The following ZFHX3 variants were observed in gnomAD, a reference collection of about 807,000 sequenced individuals.
ZFHX3 encodes the protein zinc finger homeobox 3.
A neutral mutation model predicts 279.1 loss-of-function variants in ZFHX3; 42 were observed. That is an observed-to-expected ratio of 0.15 (90% CI 0.12 to 0.19). The LOEUF is 0.19. Among genes scored for constraint, ZFHX3 ranks in the 10% least tolerant of loss-of-function variants. The pLI, the probability that ZFHX3 is intolerant of heterozygous loss-of-function variation, is 1.00. For missense variants in ZFHX3, 4,981 were observed against 4,754.0 expected (o/e 1.05, Z -1.40); for synonymous variants, 2,293 against 1,957.8 (o/e 1.17, Z -4.52).
chr16:73,610,563 AACTGAAAC>A (rs1213661984), intron 2 of ZFHX3, among the ~76,000 whole-genome samples: 1 of 152,212 alleles, frequency 6.6e-6, no homozygotes, highest in Admixed American at 6.5e-5. Flanking sequence ...ACAGTCTGTT[AACTGAAAC>A]ACTACATTAA....
chr16:73,887,131 A>C (rs2030372813), intron 1 of ZFHX3, among the ~76,000 whole-genome samples: 1 of 152,202 alleles, frequency 6.6e-6, no homozygotes, highest in African/African-American at 2.4e-5. Flanking sequence ...GGATTAATAA[A>C]ATTGGGAGAT....
At chr16:72,933,820 T>TTTTTC (rs1959957217) in intron 3 of ZFHX3, among the ~76,000 whole-genome samples, 1 of 110,866 alleles carries the variant, frequency 9.0e-6, no homozygotes, top group African/African-American at 4.1e-5. Flanking sequence ...TTTCTTTTTT[T>TTTTTC]TTTTTTTTTT....
intron 2 of ZFHX3, among the ~76,000 whole-genome samples, chr16:73,607,628 A>G (rs892534277): frequency 1.3e-5 from 2 of 152,202 alleles, no homozygotes; most frequent in Non-Finnish European, 2.9e-5. Context: ...TGATGGATCT[A>G]AAATTTCTAT....
At chr16:73,201,198 G>A (rs1463759958) in intron 5 of ZFHX3, among the ~76,000 whole-genome samples, 1 of 152,174 alleles carries the variant, frequency 6.6e-6, no homozygotes, top group Non-Finnish European at 1.5e-5. Context: ...GGCAATGGGG[G>A]GGCTCTGTCC....
chr16:73,334,810 CTTTTTT>C (rs368597124), intron 3 of ZFHX3, among the ~76,000 whole-genome samples: 27 of 57,916 alleles, frequency 4.7e-4, no homozygotes, highest in Admixed American at 1.3e-3. Flanking sequence ...CTTTCTCATT[CTTTTTT>C]TTTTTTTTTT....
At chr16:73,413,113 A>C (rs539473563) in intron 3 of ZFHX3, among the ~76,000 whole-genome samples, 1 of 152,386 alleles carries the variant, frequency 6.6e-6, no homozygotes, top group East Asian at 1.9e-4. Flanking sequence ...TATGAATGAT[A>C]TCAGAGAAGG....
chr16:73,327,557 G>C (rs942272692), intron 3 of ZFHX3, among the ~76,000 whole-genome samples: 1 of 152,202 alleles, frequency 6.6e-6, no homozygotes, highest in Non-Finnish European at 1.5e-5. Flanking sequence ...CCTTACAAAG[G>C]TGGCACCTGG....
intron 2 of ZFHX3, among the ~76,000 whole-genome samples, chr16:73,542,651 T>C (rs375666849): frequency 6.6e-6 from 1 of 152,234 alleles, no homozygotes; most frequent in African/African-American, 2.4e-5. Flanking sequence ...GGAATCTGCA[T>C]GGGGTTGCCA....
chr16:73,379,402 G>C (rs1451760059), intron 3 of ZFHX3, among the ~76,000 whole-genome samples: 1 of 152,028 alleles, frequency 6.6e-6, no homozygotes, highest in Non-Finnish European at 1.5e-5. Context: ...GCAGACTCTG[G>C]ACAAGGGAAA....
At chr16:72,994,894 T>C (rs947325132) in intron 1 of ZFHX3, among the ~76,000 whole-genome samples, 7 of 152,176 alleles carry the variant, frequency 4.6e-5, no homozygotes, top group South Asian at 4.1e-4. Context: ...GTGGACAGGG[T>C]TGAAAAGCTG....
chr16:73,833,885 T>C (rs1345777033), intron 1 of ZFHX3, among the ~76,000 whole-genome samples: 1 of 151,132 alleles, frequency 6.6e-6, no homozygotes, highest in African/African-American at 2.4e-5. Context: ...TTTATGCATA[T>C]ATGTATATGT....
chr16:72,834,557 G>T (rs2037138849), intron 4 of ZFHX3, among the ~76,000 whole-genome samples: 1 of 152,178 alleles, frequency 6.6e-6, no homozygotes. Context: ...TAGCATCTTG[G>T]TAAAGGTGAC....
chr16:73,786,652 AT>A (rs1959656407), intron 1 of ZFHX3, among the ~76,000 whole-genome samples: 1 of 152,162 alleles, frequency 6.6e-6, no homozygotes, highest in Non-Finnish European at 1.5e-5. Flanking sequence ...ACCTCATTTC[AT>A]TCCCATGTGC....
intron 1 of ZFHX3, among the ~76,000 whole-genome samples, chr16:72,981,911 C>T (rs1962617592): frequency 6.9e-6 from 1 of 145,578 alleles, no homozygotes; most frequent in Non-Finnish European, 1.5e-5. Flanking sequence ...GAGATGGAGT[C>T]TCGCTCTGTC....
At chr16:72,888,738 C>A (rs916724605) in intron 4 of ZFHX3, among the ~76,000 whole-genome samples, 1 of 152,260 alleles carries the variant, frequency 6.6e-6, no homozygotes, top group South Asian at 2.1e-4. Flanking sequence ...CCCAGCAGGT[C>A]CTGGGCTGTG....
Position 72,795,780 on chromosome 16 carries a change from T to A in ZFHX3, c.6902A>T (p.Tyr2301Phe). ...ATCTTTGCCCTCTCCCTGATTCTCA[T>A]AATTCTTCCTGGCCTTCTGTCGGGC... is the stretch of plus-strand genomic sequence containing the variant. ...QNARQKARKN[Y>F]ENQGEGKDGE... is the part of the protein sequence containing the mutation. The change falls in exon 9 of 10, where the codon TAT becomes TTT. Residue 2301 changes from tyrosine (Y) to phenylalanine (F), a missense_variant. Coordinates refer to ENST00000268489, the MANE Select transcript of ZFHX3 (RefSeq NM_006885.4). 1 of 1,614,204 alleles carries A rather than the reference T, an allele frequency of 6.2e-7. No homozygotes were observed. The highest frequency in any genetic ancestry group is 8.5e-7 in the Non-Finnish European group (1 of 1,180,030).
chr16:72,821,735 G>T (rs577736628), intron 5 of ZFHX3, among the ~76,000 whole-genome samples: 1 of 152,260 alleles, frequency 6.6e-6, no homozygotes, highest in South Asian at 2.1e-4. Context: ...ATCTGTCAAT[G>T]GGATAACACT....
At chr16:73,023,692 T>C (rs746351486) in intron 1 of ZFHX3, among the ~76,000 whole-genome samples, 19 of 152,206 alleles carry the variant, frequency 1.2e-4, no homozygotes. Flanking sequence ...AGTGAGTATT[T>C]TGAAGACGGC....
chr16:72,811,960 T>G lies in ZFHX3; in HGVS notation c.3608A>C (p.Glu1203Ala). ...SKRISFPGSS[E>A]SPLSSKRPKT... ...TGGTCGCTTCGAAGAGAGGGGAGAC[T>G]CTGAGCTACCTGGGAAGGAGATGCG... The change falls in exon 6 of 10, where the codon GAG becomes GCG. Residue 1203 changes from glutamate (E) to alanine (A), a missense_variant. Coordinates refer to ENST00000268489, the MANE Select transcript of ZFHX3 (RefSeq NM_006885.4). 6.2e-7 allele frequency: 1 copy of G among 1,614,116 alleles called. No individual in the cohort carries two copies. The highest frequency in any genetic ancestry group is 8.5e-7 in the Non-Finnish European group (1 of 1,180,012).
Sources: gnomAD v4.1 joint callset for allele counts (sites outside exome capture counted in the v4.1 genomes callset) on GRCh38, gnomAD v4.1.1 for gene constraint, MANE v1.5 for transcripts, NCBI Gene and HGNC (gene_info 2026-07-23, HGNC 2026-07-21) for gene names.